BCAS3: variants seen among roughly 807,000 people sequenced by gnomAD.
BCAS3 encodes BCAS3 microtubule associated cell migration factor, also known as BCAS4/BCAS3 fusion.
A neutral mutation model predicts 116.1 loss-of-function variants in BCAS3; 53 were observed. That is an observed-to-expected ratio of 0.46 (90% CI 0.37 to 0.57). The LOEUF (loss-of-function observed/expected upper bound fraction) is 0.57. Ranked by LOEUF, BCAS3 falls within the 20% of genes least tolerant of loss-of-function variation. The pLI is 0.00. For synonymous variants in BCAS3, 391 were observed against 408.2 expected, an observed-to-expected ratio of 0.96 and a Z score of 0.51; for missense variants, 917 against 1,165.4, an observed-to-expected ratio of 0.79 and a Z score of 3.10.
chr17:61,268,954 A>C (rs1602306311), intron 22 of BCAS3, among the ~76,000 whole-genome samples: 1 of 152,002 alleles, frequency 6.6e-6, no homozygotes, highest in Admixed American at 6.6e-5. Context: ...TTTTTTTTTA[A>C]GGCTGAATAA....
intron 13 of BCAS3, among the ~76,000 whole-genome samples, chr17:60,944,138 C>T (rs2060362619): frequency 6.6e-6 from 1 of 151,470 alleles, no homozygotes; most frequent in South Asian, 2.1e-4. Flanking sequence ...AATATAGTAA[C>T]AGAAATCAGT....
chr17:61,391,597 C>T lies in BCAS3; in HGVS notation c.2594-380C>T, dbSNP rs546448025. On this transcript the variant is annotated intron_variant, in intron 23 of 23. Transcript: ENST00000407086. This position sits in a 1 kb window ranked among gnomAD's most constrained non-coding sequence, Gnocchi z 7.7. ...TCCCCGCCTGCCTCCCCTGTAGAGC[C>T]GGGACAGAAGGCACTGTGGAGTTGG... 35 of 181,688 alleles carry T rather than the reference C, an allele frequency of 1.9e-4. 1 individual carries two copies. In the East Asian group the frequency reaches 2.4e-3, roughly 13 times the overall value. The allele number at this position is 181,688 out of a possible 1,614,324, so 11.3% of individuals were successfully genotyped here.
chr17:60,716,315 T>C (rs2038602206), intron 5 of BCAS3, among the ~76,000 whole-genome samples: 2 of 152,172 alleles, frequency 1.3e-5, no homozygotes, highest in Admixed American at 1.3e-4. Context: ...AGTTGTAATA[T>C]GAAAAAAAGC....
intron 6 of BCAS3, among the ~76,000 whole-genome samples, chr17:60,766,127 C>T (rs947030862): frequency 5.3e-5 from 8 of 152,092 alleles, no homozygotes; most frequent in African/African-American, 1.9e-4. Flanking sequence ...GCGATGGGTT[C>T]GAACATCCTC....
intron 22 of BCAS3, among the ~76,000 whole-genome samples, chr17:61,148,713 A>G (rs1025475447): frequency 6.6e-6 from 1 of 152,202 alleles, no homozygotes; most frequent in Admixed American, 6.5e-5. Context: ...CGCACTCTCA[A>G]CACAGCTAAT....
chr17:60,919,599 A>G (rs994810856), intron 12 of BCAS3, among the ~76,000 whole-genome samples: 5 of 151,848 alleles, frequency 3.3e-5, no homozygotes, highest in African/African-American at 1.2e-4. Context: ...CTGGGATTAT[A>G]GGCGTGAGCC....
At position 61,354,477 on chromosome 17, in the gene BCAS3, G is replaced by A. The variant is rs2058039680; in HGVS notation, c.2426-13850G>A. On this transcript the variant is annotated intron_variant, in intron 22 of 23. Transcript: ENST00000407086. This position sits in a 1 kb window ranked among gnomAD's most constrained non-coding sequence, Gnocchi z 4.5. Reference sequence around the variant, plus strand: ...CTGCCCACCTGAAGCCTCAAGGCCTGATGGAAACCATCCACAGCCACTCTA... The same window carrying A: ...CTGCCCACCTGAAGCCTCAAGGCCTAATGGAAACCATCCACAGCCACTCTA... 6.6e-6 allele frequency: 1 copy of A among 152,422 alleles called. No homozygotes were observed. The highest frequency in any genetic ancestry group is 2.1e-4 in the South Asian group (1 of 4,824). The allele number at this position is 152,422 out of a possible 1,614,324, so 9.4% of individuals were successfully genotyped here.
At position 61,346,866 on chromosome 17, in the gene BCAS3, G is replaced by A. The variant is rs1371026890; in HGVS notation, c.2426-21461G>A. Among the ~76,000 whole-genome samples the A allele has an allele frequency of 6.6e-6, 1 of 152,194 alleles. No individual in the cohort carries two copies. Among genetic ancestry groups the A allele is most frequent in the African/African-American group, 2.4e-5 (1 of 41,454 alleles). ...TCCTCATCCAGGGTGACTCCAGGAA[G>A]GCTTCCCAGAGGAGCTTGCACTTGG... On this transcript the variant is annotated intron_variant, in intron 22 of 23. Transcript: ENST00000407086. The surrounding 1 kb of genome is among the most constrained non-coding windows in gnomAD (Gnocchi z 5.4).
chr17:60,882,076 A>G (rs1296745520), intron 9 of BCAS3, among the ~76,000 whole-genome samples: 15 of 147,902 alleles, frequency 1.0e-4, no homozygotes, highest in Admixed American at 3.3e-4. Flanking sequence ...AAGTGTTCCT[A>G]TTTCTCCACA....
Position 61,083,294 on chromosome 17 carries a change from AT to A in BCAS3, c.2328-1169del, listed in dbSNP as rs1212431984. ...TCATTCATATTTACACTTTAGTTTT[AT>A]TTTGCATTGTCATGAATGTTCATGT... On this transcript the variant is annotated intron_variant, in intron 21 of 23. Transcript: ENST00000407086. The surrounding 1 kb of genome is among the most constrained non-coding windows in gnomAD (Gnocchi z 4.9). 2.0e-5 allele frequency among the ~76,000 whole-genome samples: 3 copies of A among 152,032 alleles called. No homozygotes were observed. Among genetic ancestry groups the A allele is most frequent in the African/African-American group, 7.2e-5 (3 of 41,382 alleles).
chr17:60,789,404 C>T (rs1010882830), intron 6 of BCAS3, among the ~76,000 whole-genome samples: 1 of 151,968 alleles, frequency 6.6e-6, no homozygotes, highest in Admixed American at 6.6e-5. Context: ...AATTTTGTTG[C>T]GTGGGAGAGG....
chr17:60,866,612 AT>A (rs1190687420), intron 7 of BCAS3, among the ~76,000 whole-genome samples: 1 of 152,150 alleles, frequency 6.6e-6, no homozygotes, highest in African/African-American at 2.4e-5. Flanking sequence ...GATAGGTATA[AT>A]TTTTTGTTTT....
rs2077168803 is a variant in BCAS3 at position 61,145,799 on chromosome 17, TAAC to T, written c.2425+61238_2425+61240del. Among the ~76,000 whole-genome samples, 2 of 152,174 alleles carry T rather than the reference TAAC, an allele frequency of 1.3e-5. No individual in the cohort carries two copies. The highest frequency in any genetic ancestry group is 2.9e-5 in the Non-Finnish European group (2 of 68,028). On this transcript the variant is annotated intron_variant, in intron 22 of 23. Coordinates refer to ENST00000407086, the MANE Select transcript of BCAS3 (RefSeq NM_017679.5). This position sits in a 1 kb window ranked among gnomAD's most constrained non-coding sequence, Gnocchi z 5.0. ...TTCCTGTTTAATATGAAAGTCCTCTTAACAAGCGTGGACAGAGGAAGTTTTAGG... is the reference window on the plus strand; with the variant it reads ...TTCCTGTTTAATATGAAAGTCCTCTTAAGCGTGGACAGAGGAAGTTTTAGG...
chr17:61,377,615 G>A lies in BCAS3; in HGVS notation c.2593+9121G>A, dbSNP rs2059398678. Among the ~76,000 whole-genome samples the A allele has an allele frequency of 6.6e-6, 1 of 152,200 alleles. No homozygotes were observed. Among genetic ancestry groups the A allele is most frequent in the Admixed American group, 6.5e-5 (1 of 15,286 alleles). The stretch of plus-strand genomic sequence containing the variant: ...TTCTTCCTCTGTGACACAGTGTGGG[G>A]AGGAGGAGCTAGTAAATGTAGTAAT... On this transcript the variant is annotated intron_variant, in intron 23 of 23. Coordinates refer to ENST00000407086, the MANE Select transcript of BCAS3 (RefSeq NM_017679.5). This position sits in a 1 kb window ranked among gnomAD's most constrained non-coding sequence, Gnocchi z 4.6.
intron 22 of BCAS3, among the ~76,000 whole-genome samples, chr17:61,342,535 G>A (rs949647948): frequency 4.6e-5 from 7 of 152,168 alleles, no homozygotes; most frequent in Admixed American, 1.3e-4. Flanking sequence ...TCCCAACGCC[G>A]AGCACATCCT....
chr17:60,851,538 A>G lies in BCAS3; in HGVS notation c.477-17038A>G, dbSNP rs540389430. On this transcript the variant is annotated intron_variant, in intron 7 of 23. Transcript: ENST00000407086. ...TTGAAACCACCATCTGTAAAGCTCT[A>G]CATGTTCTTCACGGGGTGAATAATT... 4.7e-4 allele frequency: 290 copies of G among 611,930 alleles called. 2 individuals carry two copies. Among genetic ancestry groups the G allele is most frequent in the South Asian group, 8.6e-4 (53 of 61,598 alleles). 37.9% of individuals were successfully genotyped at this position (611,930 alleles called of 1,614,324 possible).
chr17:60,757,106 TG>T (rs1473087889), intron 6 of BCAS3, among the ~76,000 whole-genome samples: 1 of 151,608 alleles, frequency 6.6e-6, no homozygotes, highest in Non-Finnish European at 1.5e-5. Context: ...GTGGTTGCAA[TG>T]AGCCGAGATC....
At chr17:60,972,749 GC>G (rs1365855860) in intron 14 of BCAS3, among the ~76,000 whole-genome samples, 8 of 152,146 alleles carry the variant, frequency 5.3e-5, no homozygotes. Flanking sequence ...ACTGTGTCCA[GC>G]CCGAAAGTGC....
chr17:60,803,962 C>T (rs189047520), intron 6 of BCAS3, among the ~76,000 whole-genome samples: 10 of 150,684 alleles, frequency 6.6e-5, no homozygotes, highest in South Asian at 2.1e-4. Flanking sequence ...CCACCACGCC[C>T]GGCTAATTTT....
Sources: allele counts gnomAD v4.1 joint callset (sites outside exome capture counted in the v4.1 genomes callset), GRCh38; gene constraint gnomAD v4.1.1; non-coding constraint Gnocchi (gnomAD v3.1); transcripts MANE v1.5; gene names NCBI Gene and HGNC (gene_info 2026-07-23, HGNC 2026-07-21).